Variants in NLRP10 observed in about 807,000 individuals in gnomAD.
The protein encoded by NLRP10 is NLR family pyrin domain containing 10.
A neutral mutation model predicts 8.2 loss-of-function variants in NLRP10; 7 were observed. That is an observed-to-expected ratio of 0.85 (90% CI 0.48 to 1.60). The LOEUF is 1.60. NLRP10 is among the 40% of genes most tolerant of loss of function. NLRP10 has a pLI of 0.00. For synonymous variants in NLRP10, 338 were observed against 314.0 expected (o/e 1.08, Z -0.81); for missense variants, 814 against 776.3 (o/e 1.05, Z -0.58).
At position 7,959,849 on chromosome 11, in the gene NLRP10, A is replaced by G; in HGVS notation, c.1763T>C (p.Ile588Thr). 6.2e-7 allele frequency: 1 copy of G among 1,613,630 alleles called. No individual in the cohort carries two copies. Among genetic ancestry groups the G allele is most frequent in the Non-Finnish European group, 8.5e-7 (1 of 1,179,762 alleles). Residue 588 changes from isoleucine (I) to threonine (T), a missense_variant, in exon 3 of 3, where the codon ATA (isoleucine) becomes ACA (threonine). Transcript: ENST00000691676. Reference sequence around the variant, plus strand: ...TGATTTCTTTTCATTTGAATGTTTTATCTTGAATGATACATTGTTCATCTG... The same window carrying G: ...TGATTTCTTTTCATTTGAATGTTTTGTCTTGAATGATACATTGTTCATCTG... ...GIQMNNVSFK[I>T]KHSNEKKSQS...
chr11:7,959,692 A>T lies in NLRP10; in HGVS notation c.1920T>A (p.Thr640=). 6.3e-7 allele frequency: 1 copy of T among 1,594,688 alleles called. No individual in the cohort carries two copies. Among genetic ancestry groups the T allele is most frequent in the Non-Finnish European group, 8.5e-7 (1 of 1,175,198 alleles). Residue 640 remains threonine (T), a synonymous_variant, in exon 3 of 3, where the codon ACT becomes ACA. Transcript: ENST00000691676. The part of the protein sequence containing the change: ...NIAGTQKEAS[T]GKGRGTEETP... ...TTTCCTCTGTCCCTCTGCCTTTTCC[A>T]GTAGAAGCTTCCTTTTGTGTTCCTG...
Position 7,960,587 on chromosome 11 carries a change from T to C in NLRP10, c.1025A>G (p.Gln342Arg). 1.2e-6 allele frequency: 2 copies of C among 1,614,198 alleles called. No homozygotes were observed. Among genetic ancestry groups the C allele is most frequent in the Non-Finnish European group, 1.7e-6 (2 of 1,180,050 alleles). Residue 342 changes from glutamine to arginine, a missense_variant, in exon 3 of 3, where the codon CAG becomes CGG. Gln to Arg is a conservative substitution (Grantham distance 43). Transcript: ENST00000691676. ...KQADRAFDIV[Q>R]KNDILYKACQ... ...CGCTTTGTAGAGAATGTCATTTTTC[T>C]GTACAATGTCGAAGGCACGGTCAGC...
chr11:7,961,078 T>C lies in NLRP10; in HGVS notation c.534A>G (p.Gly178=). The C allele has an allele frequency of 1.2e-6, 2 of 1,614,028 alleles. No homozygotes were observed. Among genetic ancestry groups the C allele is most frequent in the Non-Finnish European group, 8.5e-7 (1 of 1,179,992 alleles). The change falls in exon 3 of 3, where the codon GGA becomes GGG. Residue 178 remains glycine (G), a synonymous_variant. Coordinates refer to ENST00000691676, the MANE Select transcript of NLRP10 (RefSeq NM_001391958.1). ...CCATTTTTCTGGCGAGAGTTGTCTT[T>C]CCAGTGCCAGCCGACCCCTGTAGCA... ...LVVLQGSAGT[G]KTTLARKMVL... is the part of the protein sequence containing the mutation.
Position 7,960,249 on chromosome 11 carries a change from C to T in NLRP10, c.1363G>A (p.Gly455Arg). The change falls in exon 3 of 3, where the codon GGA (glycine) becomes AGA (arginine). Residue 455 changes from glycine (G) to arginine (R), a missense_variant. Physicochemically the swap from Gly to Arg is moderately radical, Grantham distance 125. Transcript: ENST00000691676. ...AFLSSNDYQL[G>R]LAIKKFYSFR... ...CTGTAGAACTTCTTGATGGCAAGTC[C>T]CAATTGGTAGTCGTTACTACTCAGG... 1 of 1,614,094 alleles carries T rather than the reference C, an allele frequency of 6.2e-7. No homozygotes were observed. Among genetic ancestry groups the T allele is most frequent in the Non-Finnish European group, 8.5e-7 (1 of 1,180,022 alleles).
chr11:7,963,554 C>G lies in NLRP10; in HGVS notation c.-45-14G>C. 1.3e-6 allele frequency: 2 copies of G among 1,503,746 alleles called. No homozygotes were observed. The highest frequency in any genetic ancestry group is 2.6e-5 in the South Asian group (2 of 77,848). 93.2% of individuals were successfully genotyped at this position (1,503,746 alleles called of 1,614,324 possible). On this transcript the variant is annotated splice_polypyrimidine_tract_variant and intron_variant, in intron 1 of 2. Transcript: ENST00000691676. The stretch of plus-strand genomic sequence containing the variant: ...AAGACCAGTGACCTGGAGAAAGAGG[C>G]AAAAGGAGAGGTCCACTGCTGAGAG...
intron 2 of NLRP10, among the ~76,000 whole-genome samples, chr11:7,962,231 C>CTTTTTGTTTTTTTTTTTT (rs1941743958): frequency 1.5e-5 from 1 of 66,994 alleles, no homozygotes; most frequent in Non-Finnish European, 2.6e-5. Context: ...TAAGCCTGTT[C>CTTTTTGTTTTTTTTTTTT]TTTTTTTTTT....
rs759378060 is a variant in NLRP10, at chr11:7,963,398, C to G, written c.98G>C (p.Arg33Pro). 9 of 1,614,068 alleles carry G rather than the reference C, an allele frequency of 5.6e-6. No individual in the cohort carries two copies. Among genetic ancestry groups the G allele is most frequent in the African/African-American group, 1.3e-5 (1 of 74,936 alleles). The change falls in exon 2 of 3, where the codon CGG (arginine) becomes CCG (proline). Residue 33 changes from arginine (R) to proline (P), a missense_variant. Physicochemically the swap from Arg to Pro is moderately radical, Grantham distance 103. Coordinates refer to ENST00000691676, the MANE Select transcript of NLRP10 (RefSeq NM_001391958.1). ...CTGGCCCTCAGACAGGGTCATATCC[C>G]GTAAGTAGAACTTTAACTTCTTGAA... Reference protein sequence around the residue: ...NDFKKLKFYLRDMTLSEGQPP... With the variant: ...NDFKKLKFYLPDMTLSEGQPP...
At position 7,965,274 on chromosome 11, in the gene NLRP10, G is replaced by A. The variant is rs1263532465; in HGVS notation, c.-74C>T. The A allele has an allele frequency of 6.6e-6, 1 of 152,234 alleles. No homozygotes were observed. Among genetic ancestry groups the A allele is most frequent in the Non-Finnish European group, 1.5e-5 (1 of 68,054 alleles). 9.4% of individuals were successfully genotyped at this position (152,234 alleles called of 1,614,324 possible). A position where few individuals can be genotyped will look rare whatever the true frequency, so the allele number is the denominator to read the frequency against. Reference sequence around the variant, plus strand: ...AGTTCAGACTTGGGGAGCTGGAGGTGAGGCAGCGAGAACTCAGCTCCCTGA... The same window carrying A: ...AGTTCAGACTTGGGGAGCTGGAGGTAAGGCAGCGAGAACTCAGCTCCCTGA... On this transcript the variant is annotated 5_prime_UTR_variant, in exon 1 of 3. Coordinates refer to ENST00000691676, the MANE Select transcript of NLRP10 (RefSeq NM_001391958.1).
rs1941676825 is a variant in NLRP10, at chr11:7,959,561, CCATT to C, written c.*79_*82del. The C allele has an allele frequency of 1.5e-6, 1 of 676,854 alleles. No homozygotes were observed. Among genetic ancestry groups the C allele is most frequent in the Admixed American group, 3.5e-5 (1 of 28,762 alleles). The allele number at this position is 676,854 out of a possible 1,614,324, so 41.9% of individuals were successfully genotyped here. On this transcript the variant is annotated 3_prime_UTR_variant, in exon 3 of 3. Transcript: ENST00000691676. The stretch of plus-strand genomic sequence containing the variant: ...CTATTCATGAACATGGAAAATCTTC[CCATT>C]CATTTACAGCTTCTTTGATTTCTTT...
At position 7,960,276 on chromosome 11, in the gene NLRP10, A is replaced by C; in HGVS notation, c.1336T>G (p.Phe446Val). Residue 446 changes from phenylalanine to valine, a missense_variant, in exon 3 of 3, where the codon TTC becomes GTC. Coordinates refer to ENST00000691676, the MANE Select transcript of NLRP10 (RefSeq NM_001391958.1). ...AATTGGTAGTCGTTACTACTCAGGA[A>C]AGCGGCAAGCCTGGGGCCATCTAAA... ...HNLDGPRLAA[F>V]LSSNDYQLGL... 1 of 1,614,152 alleles carries C rather than the reference A, an allele frequency of 6.2e-7. No homozygotes were observed. Among genetic ancestry groups the C allele is most frequent in the Non-Finnish European group, 8.5e-7 (1 of 1,180,020 alleles).
chr11:7,963,384 A>C lies in NLRP10; in HGVS notation c.112T>G (p.Ser38Ala). The change falls in exon 2 of 3, where the codon TCT (serine) becomes GCT (alanine). Residue 38 changes from serine to alanine, a missense_variant. Physicochemically the swap from Ser to Ala is moderately conservative, Grantham distance 99. Coordinates refer to ENST00000691676, the MANE Select transcript of NLRP10 (RefSeq NM_001391958.1). ...LKFYLRDMTLSEGQPPLARGE... is the reference protein window; with the variant it reads ...LKFYLRDMTLAEGQPPLARGE... ...CTGGCCAGTGGGGGCTGGCCCTCAG[A>C]CAGGGTCATATCCCGTAAGTAGAAC... is the stretch of plus-strand genomic sequence containing the variant. The C allele has an allele frequency of 6.2e-7, 1 of 1,614,184 alleles. No homozygotes were observed. Among genetic ancestry groups the C allele is most frequent in the Non-Finnish European group, 8.5e-7 (1 of 1,180,016 alleles).
chr11:7,960,786 G>A lies in NLRP10; in HGVS notation c.826C>T (p.Leu276Phe), dbSNP rs780751430. 2.3e-5 allele frequency: 37 copies of A among 1,614,054 alleles called. No homozygotes were observed. The Middle Eastern group carries it at 3.8e-3, about 166-fold the overall frequency. ...GGGAGTGTATGTCTCCTAATTAGAAGGTGCAGCAGGCTCTCCTTGGGACTC... is the reference window on the plus strand; with the variant it reads ...GGGAGTGTATGTCTCCTAATTAGAAAGTGCAGCAGGCTCTCCTTGGGACTC... ...GLSPKESLLH[L>F]LIRRHTLPTC... is the part of the protein sequence containing the mutation. Residue 276 changes from leucine (L) to phenylalanine (F), a missense_variant, in exon 3 of 3, where the codon CTT (leucine) becomes TTT (phenylalanine). Leu to Phe is a conservative substitution (Grantham distance 22). Coordinates refer to ENST00000691676, the MANE Select transcript of NLRP10 (RefSeq NM_001391958.1).
In NLRP10 at chr11:7,960,947, A is replaced by C. The variant is rs1440847076; in HGVS notation, c.665T>G (p.Leu222Arg). The C allele has an allele frequency of 6.2e-7, 1 of 1,613,988 alleles. No homozygotes were observed. Among genetic ancestry groups the C allele is most frequent in the Non-Finnish European group, 8.5e-7 (1 of 1,179,996 alleles). The part of the protein sequence containing the change: ...VLLLESKLEQ[L>R]LFWCCGDNQA... ...ATTGTCCCCGCAGCACCAGAAAAGGAGCTGCTCCAGTTTGCTCTCCAGCAG... is the reference window on the plus strand; with the variant it reads ...ATTGTCCCCGCAGCACCAGAAAAGGCGCTGCTCCAGTTTGCTCTCCAGCAG... Residue 222 changes from leucine (L) to arginine (R), a missense_variant, in exon 3 of 3, where the codon CTC becomes CGC. Physicochemically the swap from Leu to Arg is moderately radical, Grantham distance 102. Coordinates refer to ENST00000691676, the MANE Select transcript of NLRP10 (RefSeq NM_001391958.1).
rs1941690894 is a variant in NLRP10, at chr11:7,960,258, A to T, written c.1354T>A (p.Tyr452Asn). ...TTCTTGATGGCAAGTCCCAATTGGT[A>T]GTCGTTACTACTCAGGAAAGCGGCA... ...RLAAFLSSNDYQLGLAIKKFY... is the reference protein window; with the variant it reads ...RLAAFLSSNDNQLGLAIKKFY... Residue 452 changes from tyrosine to asparagine, a missense_variant, in exon 3 of 3, where the codon TAC becomes AAC. Transcript: ENST00000691676. The T allele has an allele frequency of 6.2e-7, 1 of 1,614,024 alleles. No homozygotes were observed. Among genetic ancestry groups the T allele is most frequent in the African/African-American group, 1.3e-5 (1 of 74,920 alleles).
chr11:7,963,291 C>T lies in NLRP10; in HGVS notation c.205G>A (p.Glu69Lys), dbSNP rs547163303. 77 of 1,614,248 alleles carry T rather than the reference C, an allele frequency of 4.8e-5. No homozygotes were observed. In the South Asian group the frequency reaches 8.5e-4, roughly 18 times the overall value. ...CCCTTGAGGACAACTTTCACAGCCT[C>T]CTTTTCTCCATACTTTGAAATCAGT... is the stretch of plus-strand genomic sequence containing the variant. Reference protein sequence around the residue: ...ELLISKYGEKEAVKVVLKGLK... With the variant: ...ELLISKYGEKKAVKVVLKGLK... Residue 69 changes from glutamate (E) to lysine (K), a missense_variant, in exon 2 of 3, where the codon GAG becomes AAG. By Grantham distance (56) the Glu-to-Lys change is moderately conservative. Coordinates refer to ENST00000691676, the MANE Select transcript of NLRP10 (RefSeq NM_001391958.1).
chr11:7,963,979 T>C (rs1431521839), intron 1 of NLRP10, among the ~76,000 whole-genome samples: 1 of 152,112 alleles, frequency 6.6e-6, no homozygotes, highest in African/African-American at 2.4e-5. Flanking sequence ...TGGGGAGCAG[T>C]GGCATGATCT....
In NLRP10 at chr11:7,963,366, G is replaced by A. The variant is rs973116024; in HGVS notation, c.130C>T (p.Leu44=). The A allele has an allele frequency of 1.7e-5, 27 of 1,614,108 alleles. No homozygotes were observed. The highest frequency in any genetic ancestry group is 2.2e-5 in the Non-Finnish European group (26 of 1,180,034). The part of the protein sequence containing the change: ...DMTLSEGQPP[L]ARGELEGLIP... ...AGGCCCTCCAACTCCCCTCTGGCCA[G>A]TGGGGGCTGGCCCTCAGACAGGGTC... The change falls in exon 2 of 3, where the codon CTG becomes TTG. Residue 44 remains leucine (L), a synonymous_variant. Coordinates refer to ENST00000691676, the MANE Select transcript of NLRP10 (RefSeq NM_001391958.1).
chr11:7,959,748 G>A lies in NLRP10; in HGVS notation c.1864C>T (p.His622Tyr), dbSNP rs149473831. The A allele has an allele frequency of 5.0e-6, 8 of 1,613,076 alleles. No individual in the cohort carries two copies. In the African/African-American group the frequency reaches 9.4e-5, roughly 19 times the overall value. ...TTATCTTTGCCCTCCTTCTGTCCATGGACAGAAGGACATTTTTGCTCCTCC... is the reference window on the plus strand; with the variant it reads ...TTATCTTTGCCCTCCTTCTGTCCATAGACAGAAGGACATTTTTGCTCCTCC... ...PKEEQKCPSV[H>Y]GQKEGKDNIA... is the part of the protein sequence containing the mutation. Residue 622 changes from histidine to tyrosine, a missense_variant, in exon 3 of 3, where the codon CAT becomes TAT. Physicochemically the swap from His to Tyr is moderately conservative, Grantham distance 83. Coordinates refer to ENST00000691676, the MANE Select transcript of NLRP10 (RefSeq NM_001391958.1).
In NLRP10 at chr11:7,960,154, C is replaced by A. The variant is rs752840325; in HGVS notation, c.1458G>T (p.Arg486=). The A allele has an allele frequency of 3.1e-6, 5 of 1,614,082 alleles. No individual in the cohort carries two copies. The Admixed American group carries it at 5.0e-5, about 16-fold the overall frequency. The part of the protein sequence containing the change: ...MSYLVKEDQS[R]LGKESRREVQ... ...CTTCTCTGCGGGACTCCTTCCCCAG[C>A]CGGCTTTGGTCCTCTTTCACCAGGT... Residue 486 remains arginine, a synonymous_variant, in exon 3 of 3, where the codon CGG becomes CGT. Coordinates refer to ENST00000691676, the MANE Select transcript of NLRP10 (RefSeq NM_001391958.1).
Sources: gnomAD v4.1 joint callset for allele counts (sites outside exome capture counted in the v4.1 genomes callset) on GRCh38, gnomAD v4.1.1 for gene constraint, MANE v1.5 for transcripts, NCBI Gene and HGNC (gene_info 2026-07-23, HGNC 2026-07-21) for gene names.